Variants in PPP1R12A observed in about 807,000 individuals in gnomAD.
PPP1R12A encodes protein phosphatase 1 regulatory subunit 12A.
PPP1R12A carries 19 observed loss-of-function variants against 139.6 expected under a neutral mutation model. The ratio of observed to expected loss-of-function variants is 0.14; its 90% CI spans 0.09 to 0.20. The LOEUF is 0.20. Among genes scored for constraint, PPP1R12A ranks in the 10% least tolerant of loss-of-function variants. The pLI is 1.00. For missense variants in PPP1R12A, 925 were observed against 1,211.5 expected (o/e 0.76, Z 3.51); for synonymous variants, 427 against 420.6 (o/e 1.02, Z -0.19).
chr12:79,934,704 G>A lies in PPP1R12A; in HGVS notation c.228C>T (p.Ala76=). The A allele has an allele frequency of 6.5e-7, 1 of 1,541,728 alleles. No individual in the cohort carries two copies. The highest frequency in any genetic ancestry group is 8.8e-7 in the Non-Finnish European group (1 of 1,141,684). Residue 76 remains alanine (A), a synonymous_variant, in exon 1 of 25, where the codon GCC becomes GCT. Coordinates refer to ENST00000450142, the MANE Select transcript of PPP1R12A (RefSeq NM_002480.3). ...INYANVDGLT[A]LHQACIDDNV... ...GGCGGGGCGCACAGACCTGGTGCAG[G>A]GCAGTGAGTCCGTCCACATTGGCGT...
rs928329039 is a variant in PPP1R12A, at chr12:79,920,305, T to C, written c.237+14390A>G. On this transcript the variant is annotated intron_variant, in intron 1 of 24. Coordinates refer to ENST00000450142, the MANE Select transcript of PPP1R12A (RefSeq NM_002480.3). ...TGTTTTCATCTTTGGCTATCATCAATAATGCTGCCATGAACATTACTATAC... is the reference window on the plus strand; with the variant it reads ...TGTTTTCATCTTTGGCTATCATCAACAATGCTGCCATGAACATTACTATAC... Among the ~76,000 whole-genome samples the C allele has an allele frequency of 7.2e-5, 11 of 152,232 alleles. No individual in the cohort carries two copies. In the East Asian group the frequency reaches 2.1e-3, roughly 29 times the overall value.
chr12:79,795,869 G>A, intron 17 of PPP1R12A, 110 bp from the exon 18 acceptor site: 4 of 994,262 alleles, frequency 4.0e-6, no homozygotes, highest in African/African-American at 1.7e-5. Context: ...CTAGGGGGAT[G>A]GAAGGTAGGC....
intron 22 of PPP1R12A, among the ~76,000 whole-genome samples, chr12:79,785,855 T>C (rs1371442321): frequency 6.6e-6 from 1 of 152,160 alleles, no homozygotes; most frequent in Non-Finnish European, 1.5e-5. Flanking sequence ...AATTGCTAGA[T>C]CATATGTACA....
chr12:79,929,020 T>C (rs1888054549), intron 1 of PPP1R12A, among the ~76,000 whole-genome samples: 1 of 152,238 alleles, frequency 6.6e-6, no homozygotes, highest in Non-Finnish European at 1.5e-5. Context: ...TACCCAACCT[T>C]GGCATCAGGA....
intron 1 of PPP1R12A, among the ~76,000 whole-genome samples, chr12:79,932,984 C>G (rs1398815020): frequency 6.6e-6 from 1 of 152,110 alleles, no homozygotes; most frequent in African/African-American, 2.4e-5. Flanking sequence ...CACACTAAAA[C>G]GTGTAAAGTA....
chr12:79,852,532 T>C (rs756714015), intron 2 of PPP1R12A, among the ~76,000 whole-genome samples: 1 of 152,154 alleles, frequency 6.6e-6, no homozygotes, highest in Non-Finnish European at 1.5e-5. Context: ...ACTTTGGGTA[T>C]TATAAGACTC....
chr12:79,828,997 T>C lies in PPP1R12A; in HGVS notation c.648-533A>G, dbSNP rs547172089. Reference sequence around the variant, plus strand: ...TTTTCAAAGGAAAATGACAATCTTTTAAGAACAAAACAAAGCAAAAAACAT... The same window carrying C: ...TTTTCAAAGGAAAATGACAATCTTTCAAGAACAAAACAAAGCAAAAAACAT... On this transcript the variant is annotated intron_variant, in intron 4 of 24. Coordinates refer to ENST00000450142, the MANE Select transcript of PPP1R12A (RefSeq NM_002480.3). Among the ~76,000 whole-genome samples the C allele has an allele frequency of 7.8e-4, 119 of 152,218 alleles. 3 individuals are homozygous for C. In the South Asian group the frequency reaches 0.023, roughly 30 times the overall value.
At chr12:79,871,256 T>C (rs1397926618) in intron 2 of PPP1R12A, among the ~76,000 whole-genome samples, 6 of 152,196 alleles carry the variant, frequency 3.9e-5, no homozygotes, top group Non-Finnish European at 8.8e-5. Context: ...ATTCTATCAC[T>C]TGCAGCTAAA....
At chr12:79,851,798 G>C (rs897596688) in intron 2 of PPP1R12A, among the ~76,000 whole-genome samples, 3 of 152,108 alleles carry the variant, frequency 2.0e-5, no homozygotes, top group African/African-American at 7.2e-5. Flanking sequence ...CAGTCCCTGA[G>C]GCTCTGTTCA....
rs970137989 is a variant in PPP1R12A at position 79,934,860 on chromosome 12, G to C, written c.72C>G (p.Leu24=). 4.3e-6 allele frequency: 7 copies of C among 1,611,660 alleles called. No individual in the cohort carries two copies. The highest frequency in any genetic ancestry group is 5.9e-6 in the Non-Finnish European group (7 of 1,179,120). Residue 24 remains leucine (L), a synonymous_variant, in exon 1 of 25, where the codon CTC becomes CTG. Coordinates refer to ENST00000450142, the MANE Select transcript of PPP1R12A (RefSeq NM_002480.3). The part of the protein sequence containing the change: ...LKRWIGSETD[L]EPPVVKRQKT... ...TCTGGCGCTTCACCACCGGAGGCTC[G>C]AGGTCCGTCTCGGAGCCGATCCAGC...
intron 2 of PPP1R12A, chr12:79,848,800 C>A (rs886847134): frequency 6.6e-6 from 1 of 151,996 alleles, no homozygotes; most frequent in Non-Finnish European, 1.5e-5. Context: ...ACTGATTAAT[C>A]CTATGGTGGA....
intron 9 of PPP1R12A, among the ~76,000 whole-genome samples, chr12:79,812,373 T>G (rs1391927515): frequency 7.0e-6 from 1 of 142,256 alleles, no homozygotes; most frequent in Admixed American, 7.3e-5. Context: ...TTCCTTTTCT[T>G]GACTGACTCT....
intron 2 of PPP1R12A, 57 bp from the exon 3 acceptor site, chr12:79,845,477 A>C: frequency 1.6e-6 from 2 of 1,245,336 alleles, no homozygotes; most frequent in Non-Finnish European, 2.3e-6. Context: ...AAATAAAACT[A>C]AATGCATAAC....
chr12:79,844,601 T>G (rs777922215), intron 3 of PPP1R12A, among the ~76,000 whole-genome samples: 2 of 152,226 alleles, frequency 1.3e-5, no homozygotes, highest in Admixed American at 1.3e-4. Flanking sequence ...ACTTCTGTCC[T>G]TGTCTTCCTA....
intron 1 of PPP1R12A, among the ~76,000 whole-genome samples, chr12:79,890,905 C>CA (rs1491145335): frequency 0.046 from 5,309 of 115,698 alleles, 170 homozygotes; most frequent in East Asian, 0.11. Flanking sequence ...CCACACCCAC[C>CA]CACACACACA....
At chr12:79,898,904 TC>T (rs1231710342) in intron 1 of PPP1R12A, among the ~76,000 whole-genome samples, 3 of 152,160 alleles carry the variant, frequency 2.0e-5, no homozygotes, top group Admixed American at 2.0e-4. Flanking sequence ...TATGCTACCT[TC>T]CATATATACT....
chr12:79,893,989 G>A (rs1169270177), intron 1 of PPP1R12A, among the ~76,000 whole-genome samples: 2 of 152,148 alleles, frequency 1.3e-5, no homozygotes, highest in African/African-American at 4.8e-5. Context: ...TCAGGTAGCA[G>A]GAGTTCCATG....
At chr12:79,900,578 T>C (rs1011749462) in intron 1 of PPP1R12A, among the ~76,000 whole-genome samples, 1 of 152,230 alleles carries the variant, frequency 6.6e-6, no homozygotes, top group African/African-American at 2.4e-5. Flanking sequence ...CTAATACCCA[T>C]GAACATATCT....
Position 79,805,747 on chromosome 12 carries a change from A to G in PPP1R12A, c.1845T>C (p.Ala615=), listed in dbSNP as rs1873746933. The G allele has an allele frequency of 1.2e-6, 2 of 1,612,612 alleles. No individual in the cohort carries two copies. The highest frequency in any genetic ancestry group is 3.3e-5 in the Admixed American group (2 of 59,820). ...TQSSTSNRLW[A]EDSTEKEKDS... ...CCTTTTCTTTCTCAGTACTATCCTC[A>G]GCCCACAAACGATTTGAGGTACTAT... Residue 615 remains alanine (A), a synonymous_variant, in exon 14 of 25, where the codon GCT becomes GCC. Transcript: ENST00000450142.
Sources: allele counts gnomAD v4.1 joint callset (sites outside exome capture counted in the v4.1 genomes callset), GRCh38; gene constraint gnomAD v4.1.1; transcripts MANE v1.5; gene names NCBI Gene and HGNC (gene_info 2026-07-23, HGNC 2026-07-21).